PCDHGB4: variants seen among roughly 807,000 people sequenced by gnomAD.
The protein encoded by PCDHGB4 is protocadherin gamma-B4.
Under a neutral mutation model 60.5 loss-of-function variants are expected in PCDHGB4, and 38 were observed. The observed-to-expected ratio is 0.63, with a 90% CI of 0.48 to 0.82. The LOEUF is 0.82. Ranked by LOEUF, PCDHGB4 falls within the 40% of genes least tolerant of loss-of-function variation. The pLI is 0.00. For missense variants in PCDHGB4, 1,109 were observed against 1,209.6 expected (o/e 0.92, Z 1.23); for synonymous variants, 456 against 509.7 (o/e 0.89, Z 1.42).
intron 1 of PCDHGB4, among the ~76,000 whole-genome samples, chr5:141,488,802 A>G (rs910422824): frequency 2.0e-5 from 3 of 152,294 alleles, no homozygotes; most frequent in Middle Eastern, 3.4e-3. Flanking sequence ...CCTGTTGAGT[A>G]CCATCTGAGC....
chr5:141,504,546 G>A (rs911626023), intron 2 of PCDHGB4, among the ~76,000 whole-genome samples: 5 of 151,802 alleles, frequency 3.3e-5, no homozygotes, highest in African/African-American at 1.2e-4. Flanking sequence ...CATGGCAAAT[G>A]TTGGGGGACT....
chr5:141,494,773 G>C, intron 1 of PCDHGB4, 34 bp from the exon 2 acceptor site: 1 of 1,613,966 alleles, frequency 6.2e-7, no homozygotes, highest in Non-Finnish European at 8.5e-7. Context: ...CTTCTCACGG[G>C]TACTCAGCCC....
At chr5:141,403,226 C>A in intron 1 of PCDHGB4, 3 of 1,613,926 alleles carry the variant, frequency 1.9e-6, no homozygotes, top group South Asian at 1.1e-5. Context: ...TAGGATAGAC[C>A]GGGAGGAGCT....
intron 1 of PCDHGB4, among the ~76,000 whole-genome samples, chr5:141,460,682 T>A (rs957470916): frequency 3.3e-5 from 5 of 152,134 alleles, no homozygotes; most frequent in African/African-American, 1.2e-4. Flanking sequence ...TATATCTATA[T>A]ATCCACCAAC....
intron 1 of PCDHGB4, among the ~76,000 whole-genome samples, chr5:141,407,155 TG>T (rs1451933301): frequency 1.3e-5 from 2 of 152,232 alleles, no homozygotes; most frequent in Non-Finnish European, 2.9e-5. Flanking sequence ...CTGAAGTGTC[TG>T]GGAATCCTTT....
intron 1 of PCDHGB4, among the ~76,000 whole-genome samples, chr5:141,436,848 AT>A (rs1247905529): frequency 6.6e-6 from 1 of 152,244 alleles, no homozygotes; most frequent in African/African-American, 2.4e-5. Flanking sequence ...CACATTCTTG[AT>A]TGAGAAGCCA....
At chr5:141,481,070 A>G (rs2099531062) in intron 1 of PCDHGB4, among the ~76,000 whole-genome samples, 1 of 152,144 alleles carries the variant, frequency 6.6e-6, no homozygotes, top group South Asian at 2.1e-4. Context: ...AAACAAAAAG[A>G]AAGAAAGAAA....
intron 1 of PCDHGB4, chr5:141,393,121 T>C: frequency 6.2e-7 from 1 of 1,613,428 alleles, no homozygotes; most frequent in Non-Finnish European, 8.5e-7. Context: ...CCGCGGTGTC[T>C]GATAAATATT....
At chr5:141,391,788 G>GT (rs1373420883) in intron 1 of PCDHGB4, 2 of 152,132 alleles carry the variant, frequency 1.3e-5, no homozygotes, top group African/African-American at 2.4e-5. Flanking sequence ...ACTTTTTGCA[G>GT]TTTTTTAGAT....
At chr5:141,418,752 C>T (rs2096284996) in intron 1 of PCDHGB4, 1 of 1,613,874 alleles carries the variant, frequency 6.2e-7, no homozygotes, top group African/African-American at 1.3e-5. Flanking sequence ...GATTACACTA[C>T]AGGAAACATT....
At chr5:141,427,965 C>G in intron 1 of PCDHGB4, 1 of 1,590,342 alleles carries the variant, frequency 6.3e-7, no homozygotes, top group Non-Finnish European at 8.6e-7. Flanking sequence ...GCCGCGGGTG[C>G]TGTACCCCGC....
intron 1 of PCDHGB4, chr5:141,400,244 C>T (rs765839538): frequency 1.9e-6 from 3 of 1,613,928 alleles, no homozygotes; most frequent in East Asian, 4.5e-5. Flanking sequence ...GTGATTCTGG[C>T]CGTTGCCTTG....
In PCDHGB4 at chr5:141,489,561, G is replaced by A. The variant is rs1750812409; in HGVS notation, c.2398-5246G>A. 6.2e-7 allele frequency: 1 copy of A among 1,614,106 alleles called. No homozygotes were observed. Among genetic ancestry groups the A allele is most frequent in the Non-Finnish European group, 8.5e-7 (1 of 1,180,026 alleles). On this transcript the variant is annotated intron_variant, in intron 1 of 3. Coordinates refer to ENST00000519479, the MANE Select transcript of PCDHGB4 (RefSeq NM_003736.4). The surrounding 1 kb of genome is among the most constrained non-coding windows in gnomAD (Gnocchi z 4.5). Reference sequence around the variant, plus strand: ...GCACCAGCTGCCTGCTGCCAGTGCAGGTGGTGACTGAACACCCCCTGGAGC... The same window carrying A: ...GCACCAGCTGCCTGCTGCCAGTGCAAGTGGTGACTGAACACCCCCTGGAGC...
intron 1 of PCDHGB4, among the ~76,000 whole-genome samples, chr5:141,424,889 G>A (rs1173725674): frequency 6.6e-6 from 1 of 152,090 alleles, no homozygotes; most frequent in Non-Finnish European, 1.5e-5. Flanking sequence ...ACTTATCTAG[G>A]GTTTTTGATC....
chr5:141,393,484 G>A, intron 1 of PCDHGB4: 1 of 1,614,058 alleles, frequency 6.2e-7, no homozygotes, highest in Non-Finnish European at 8.5e-7. Context: ...CCTCGCTCTA[G>A]CACAGTGCGC....
At chr5:141,394,662 T>C in intron 1 of PCDHGB4, 3 of 1,613,258 alleles carry the variant, frequency 1.9e-6, no homozygotes, top group African/African-American at 2.7e-5. Flanking sequence ...GCCGGGACTC[T>C]TCTCGGTGGG....
chr5:141,394,194 A>C (rs919478906), intron 1 of PCDHGB4: 3 of 1,613,842 alleles, frequency 1.9e-6, no homozygotes, highest in Non-Finnish European at 2.5e-6. Flanking sequence ...CTCAGCGTAT[A>C]TCCTAGAGAA....
chr5:141,400,209 G>T (rs371270054), intron 1 of PCDHGB4: 8 of 1,613,934 alleles, frequency 5.0e-6, no homozygotes, highest in African/African-American at 2.7e-5. Flanking sequence ...CCTTGGCCTT[G>T]ATCTCAGTGC....
Position 141,490,320 on chromosome 5 carries a change from A to G in PCDHGB4, c.2398-4487A>G. The G allele has an allele frequency of 6.2e-7, 1 of 1,614,228 alleles. No individual in the cohort carries two copies. The highest frequency in any genetic ancestry group is 1.1e-5 in the South Asian group (1 of 91,088). ...TGGCCTCTTTGGCCAACCCTGTCCT[A>G]GAGAGCACACCAGTGGGCACAGTAG... On this transcript the variant is annotated intron_variant, in intron 1 of 3. Transcript: ENST00000519479. The surrounding 1 kb of genome is among the most constrained non-coding windows in gnomAD (Gnocchi z 5.4).
Sources: allele counts gnomAD v4.1 joint callset (sites outside exome capture counted in the v4.1 genomes callset), GRCh38; gene constraint gnomAD v4.1.1; non-coding constraint Gnocchi (gnomAD v3.1); transcripts MANE v1.5; gene names NCBI Gene and HGNC (gene_info 2026-07-23, HGNC 2026-07-21).